HADH: variants seen among roughly 807,000 people sequenced by gnomAD.
HADH encodes hydroxyacyl-coenzyme A dehydrogenase, mitochondrial.
Under a neutral mutation model 32.2 loss-of-function variants are expected in HADH, and 24 were observed. The ratio of observed to expected loss-of-function variants is 0.75; its 90% CI spans 0.54 to 1.05. HADH has a LOEUF of 1.05. HADH is among the 50% of genes least tolerant of loss of function. The pLI is 0.00. For synonymous variants in HADH, 139 were observed against 152.5 expected, an observed-to-expected ratio of 0.91 and a Z score of 0.65; for missense variants, 350 against 397.1, an observed-to-expected ratio of 0.88 and a Z score of 1.01.
chr4:108,014,629 A>G (rs747233461), intron 3 of HADH, 41 bp downstream of exon 3: 15 of 1,522,190 alleles, frequency 9.9e-6, no homozygotes, highest in Admixed American at 1.8e-5. Flanking sequence ...TTTTTTTTTA[A>G]CCTTATTTTT....
chr4:108,002,376 G>A (rs150467843), intron 1 of HADH, among the ~76,000 whole-genome samples: 9 of 152,198 alleles, frequency 5.9e-5, no homozygotes, highest in South Asian at 2.1e-4. Flanking sequence ...TCTAGGTTTC[G>A]TGTCCTTGTG....
At chr4:107,990,160 C>A (rs1217917631) in intron 1 of HADH, 96 bp downstream of exon 1, 22 of 1,310,706 alleles carry the variant, frequency 1.7e-5, no homozygotes, top group Non-Finnish European at 2.2e-5. Flanking sequence ...TGCACCCGCC[C>A]GACACCAGGG....
At chr4:108,023,364 A>C (rs1735955888) in intron 4 of HADH, 110 bp from the exon 5 acceptor site, 1 of 736,134 alleles carries the variant, frequency 1.4e-6, no homozygotes, top group Non-Finnish European at 2.5e-6. Flanking sequence ...GCTGAAACTC[A>C]AACTATTTTT....
Position 108,023,657 on chromosome 4 carries a change from A to G in HADH, c.636+94A>G, listed in dbSNP as rs1472021374. The G allele has an allele frequency of 4.8e-6, 4 of 831,550 alleles. No individual in the cohort carries two copies. In the African/African-American group the frequency reaches 6.7e-5, roughly 14 times the overall value. The allele number at this position is 831,550 out of a possible 1,614,324, so 51.5% of individuals were successfully genotyped here. A position where few individuals can be genotyped will look rare whatever the true frequency, so the allele number is the denominator to read the frequency against. On this transcript the variant is annotated intron_variant, in intron 5 of 7. Coordinates refer to ENST00000309522, the MANE Select transcript of HADH (RefSeq NM_005327.7). ...AATTCTTCTCATAGAATGATGTGAAAGAAGGAGCATTGTATACTGCAAGCT... is the reference window on the plus strand; with the variant it reads ...AATTCTTCTCATAGAATGATGTGAAGGAAGGAGCATTGTATACTGCAAGCT...
At chr4:107,999,985 G>A (rs1313920006) in intron 1 of HADH, among the ~76,000 whole-genome samples, 2 of 152,206 alleles carry the variant, frequency 1.3e-5, no homozygotes, top group Non-Finnish European at 2.9e-5. Flanking sequence ...AAAGATATAT[G>A]TATACATTGT....
intron 1 of HADH, chr4:108,004,565 C>T: frequency 3.5e-6 from 4 of 1,145,044 alleles, no homozygotes; most frequent in Non-Finnish European, 3.6e-6. Context: ...AACATGTAAC[C>T]AAAAGCTGTG....
chr4:108,022,630 C>G lies in HADH; in HGVS notation c.547-844C>G, dbSNP rs149501022. On this transcript the variant is annotated intron_variant, in intron 4 of 7. Coordinates refer to ENST00000309522, the MANE Select transcript of HADH (RefSeq NM_005327.7). ...GCAAATTACTCACTTTCCTGGGGCT[C>G]CTCCTCCTCTATAATAGAAGATCAG... 2.9e-3 allele frequency among the ~76,000 whole-genome samples: 439 copies of G among 152,264 alleles called. 3 individuals carry two copies. Among genetic ancestry groups the G allele is most frequent in the Middle Eastern group, 0.017 (5 of 294 alleles).
chr4:108,023,457 C>G lies in HADH; in HGVS notation c.547-17C>G. 6.6e-7 allele frequency: 1 copy of G among 1,519,032 alleles called. No homozygotes were observed. The highest frequency in any genetic ancestry group is 1.7e-4 in the Middle Eastern group (1 of 5,900). The allele number at this position is 1,519,032 out of a possible 1,614,324, so 94.1% of individuals were successfully genotyped here. ...TTGCTGACACTCTGGTCATAATTCT[C>G]TGCTTTGCATTTCCAGGTCATTAAA... On this transcript the variant is annotated splice_polypyrimidine_tract_variant and intron_variant, in intron 4 of 7. Coordinates refer to ENST00000309522, the MANE Select transcript of HADH (RefSeq NM_005327.7).
At chr4:108,000,704 TG>T (rs1735096854) in intron 1 of HADH, among the ~76,000 whole-genome samples, 1 of 152,158 alleles carries the variant, frequency 6.6e-6, no homozygotes, top group Non-Finnish European at 1.5e-5. Flanking sequence ...TGTTAGATTA[TG>T]AAGGGTAAGT....
rs781503754 is a variant in HADH at position 108,034,771 on chromosome 4, A to G, written c.*414A>G. The G allele has an allele frequency of 5.0e-5, 17 of 340,796 alleles. No individual in the cohort carries two copies. The highest frequency in any genetic ancestry group is 3.1e-4 in the South Asian group (13 of 42,138). 21.1% of individuals were successfully genotyped at this position (340,796 alleles called of 1,614,324 possible). A position where few individuals can be genotyped will look rare whatever the true frequency, so the allele number is the denominator to read the frequency against. On this transcript the variant is annotated 3_prime_UTR_variant, in exon 8 of 8. Coordinates refer to ENST00000309522, the MANE Select transcript of HADH (RefSeq NM_005327.7). ...CAAGCCACTGGCAAGCAAGTGGTAT[A>G]GTCTGTGAAGCACTGCAGCGAGCAG... is the stretch of plus-strand genomic sequence containing the variant.
In HADH at chr4:107,990,085, C is replaced by G. The variant is rs926097; in HGVS notation, c.132+21C>G. 2.4e-4 allele frequency: 378 copies of G among 1,594,658 alleles called. 2 individuals carry two copies. In the African/African-American group the frequency reaches 4.5e-3, roughly 19 times the overall value. ...CCCAGGTGAGCGGCCCTCCCTGCAGCGTGCCCACGCGCTTGGCCGCCCACC... is the reference window on the plus strand; with the variant it reads ...CCCAGGTGAGCGGCCCTCCCTGCAGGGTGCCCACGCGCTTGGCCGCCCACC... On this transcript the variant is annotated intron_variant, in intron 1 of 7. Coordinates refer to ENST00000309522, the MANE Select transcript of HADH (RefSeq NM_005327.7).
intron 1 of HADH, among the ~76,000 whole-genome samples, chr4:107,998,646 A>G (rs1376364875): frequency 6.6e-6 from 1 of 152,162 alleles, no homozygotes; most frequent in African/African-American, 2.4e-5. Flanking sequence ...TGGAGTTGAG[A>G]GGCAGATGTA....
chr4:108,020,482 C>G (rs1335904160), intron 4 of HADH, among the ~76,000 whole-genome samples: 1 of 151,966 alleles, frequency 6.6e-6, no homozygotes, highest in African/African-American at 2.4e-5. Context: ...ATAAAAAAAC[C>G]CTAAAAGTAA....
chr4:108,028,912 T>C (rs2126238052), intron 6 of HADH: 1 of 398,672 alleles, frequency 2.5e-6, no homozygotes, highest in Non-Finnish European at 4.4e-6. Flanking sequence ...CCTTTCTGCA[T>C]AGGTGCATGC....
At chr4:108,022,521 GGCC>G (rs1265250347) in intron 4 of HADH, among the ~76,000 whole-genome samples, 1 of 152,068 alleles carries the variant, frequency 6.6e-6, no homozygotes, top group Non-Finnish European at 1.5e-5. Context: ...GAAGCCAAGG[GGCC>G]GCTGGCCTCT....
intron 6 of HADH, chr4:108,028,937 C>T (rs555349251): frequency 8.8e-5 from 35 of 398,728 alleles, no homozygotes; most frequent in African/African-American, 5.1e-4. Flanking sequence ...TAGCCCTCAC[C>T]ATCCCTGGCC....
chr4:108,004,105 C>G (rs1355395262), intron 1 of HADH, among the ~76,000 whole-genome samples: 2 of 152,190 alleles, frequency 1.3e-5, no homozygotes, highest in African/African-American at 4.8e-5. Flanking sequence ...CTTGAGCTCC[C>G]TGTCACGTGT....
Position 108,009,744 on chromosome 4 carries a change from C to T in HADH, c.133-15C>T, listed in dbSNP as rs190144364. 240 of 1,612,780 alleles carry T rather than the reference C, an allele frequency of 1.5e-4. No homozygotes were observed. The East Asian group carries it at 4.8e-3, about 32-fold the overall frequency. Reference sequence around the variant, plus strand: ...TTCTTTCTTTTAAAAAGAAATTGTTCTTTTGTTGCTCTAGGTTGCTGCAGC... The same window carrying T: ...TTCTTTCTTTTAAAAAGAAATTGTTTTTTTGTTGCTCTAGGTTGCTGCAGC... On this transcript the variant is annotated splice_polypyrimidine_tract_variant and intron_variant, in intron 1 of 7. Transcript: ENST00000309522.
chr4:107,990,741 C>T (rs1003208502), intron 1 of HADH, among the ~76,000 whole-genome samples: 6 of 142,354 alleles, frequency 4.2e-5, no homozygotes, highest in South Asian at 2.2e-4. Flanking sequence ...ATAAGTCTCT[C>T]TCTTTTTTTT....
Sources: gnomAD v4.1 joint callset for allele counts (sites outside exome capture counted in the v4.1 genomes callset) on GRCh38, gnomAD v4.1.1 for gene constraint, MANE v1.5 for transcripts, NCBI Gene and HGNC (gene_info 2026-07-23, HGNC 2026-07-21) for gene names.